The following CEP85L variants were observed in gnomAD, a reference collection of about 807,000 sequenced individuals.
The protein encoded by CEP85L is centrosomal protein of 85 kDa-like.
Under a neutral mutation model 100.3 loss-of-function variants are expected in CEP85L, and 60 were observed. The ratio of observed to expected loss-of-function variants is 0.60; its 90% CI spans 0.49 to 0.74. CEP85L has a LOEUF of 0.74. Ranked by LOEUF, CEP85L falls within the 30% of genes least tolerant of loss-of-function variation. CEP85L has a pLI of 0.00. For synonymous variants in CEP85L, 319 were observed against 322.7 expected, an observed-to-expected ratio of 0.99 and a Z score of 0.12; for missense variants, 973 against 936.2, an observed-to-expected ratio of 1.04 and a Z score of -0.51.
chr6:118,600,729 T>C (rs117711340), intron 2 of CEP85L, among the ~76,000 whole-genome samples: 1,542 of 151,978 alleles, frequency 0.01, 8 homozygotes, highest in Middle Eastern at 0.027. Flanking sequence ...TAACAAACTT[T>C]CTTACATATT....
chr6:118,486,034 T>C (rs912011612), intron 6 of CEP85L, among the ~76,000 whole-genome samples: 1 of 152,218 alleles, frequency 6.6e-6, no homozygotes, highest in African/African-American at 2.4e-5. Context: ...CATGTCAAGC[T>C]TGCTTCCCTT....
intron 1 of CEP85L, among the ~76,000 whole-genome samples, chr6:118,640,969 G>C (rs1774828401): frequency 6.6e-6 from 1 of 152,118 alleles, no homozygotes; most frequent in Non-Finnish European, 1.5e-5. Context: ...TGACATGAAA[G>C]GTAGATAAAA....
intron 2 of CEP85L, among the ~76,000 whole-genome samples, chr6:118,620,476 A>G (rs1447817407): frequency 6.6e-6 from 1 of 152,168 alleles, no homozygotes; most frequent in Non-Finnish European, 1.5e-5. Context: ...TTGCAAAGAC[A>G]CTTTAAAAAA....
chr6:118,696,035 C>G (rs12202466), intron 1 of CEP85L, among the ~76,000 whole-genome samples: 4,965 of 152,212 alleles, frequency 0.033, 128 homozygotes, highest in African/African-American at 0.067. Flanking sequence ...CTTTGGGAGG[C>G]CGAGACAGGC....
chr6:118,702,096 C>T (rs1389754753), intron 1 of CEP85L, among the ~76,000 whole-genome samples: 1 of 151,628 alleles, frequency 6.6e-6, no homozygotes, highest in African/African-American at 2.4e-5. Flanking sequence ...TAGATAGCTC[C>T]ACTTTGGAAT....
At chr6:118,590,852 C>T (rs1289774690) in intron 2 of CEP85L, among the ~76,000 whole-genome samples, 1 of 152,230 alleles carries the variant, frequency 6.6e-6, no homozygotes. Context: ...TAAACTCTCT[C>T]TGCTCCTTAA....
intron 10 of CEP85L, among the ~76,000 whole-genome samples, chr6:118,478,419 T>C (rs1582871779): frequency 6.6e-6 from 1 of 152,146 alleles, no homozygotes; most frequent in Non-Finnish European, 1.5e-5. Flanking sequence ...AATATAGCTA[T>C]TTTAGCCAGT....
At chr6:118,565,282 C>T in intron 3 of CEP85L, 1 of 496,344 alleles carries the variant, frequency 2.0e-6, no homozygotes, top group Non-Finnish European at 3.6e-6. Flanking sequence ...TTTTTATGCC[C>T]ATTTAACAAA....
At chr6:118,537,732 T>C in intron 3 of CEP85L, 1 of 985,362 alleles carries the variant, frequency 1.0e-6, no homozygotes, top group Non-Finnish European at 1.2e-6. Flanking sequence ...GGACAAATAC[T>C]GTTAAATTTA....
chr6:118,529,310 A>C (rs1777149430), intron 3 of CEP85L, among the ~76,000 whole-genome samples: 1 of 152,122 alleles, frequency 6.6e-6, no homozygotes, highest in Admixed American at 6.6e-5. Flanking sequence ...ACAACTTATA[A>C]AATCTTACTA....
At chr6:118,566,794 T>C (rs1779536304) in intron 2 of CEP85L, among the ~76,000 whole-genome samples, 1 of 152,218 alleles carries the variant, frequency 6.6e-6, no homozygotes, top group Non-Finnish European at 1.5e-5. Flanking sequence ...CAAGTCAACA[T>C]AGTTTCAGAT....
At chr6:118,558,847 T>A (rs936386545) in intron 3 of CEP85L, 3 of 995,450 alleles carry the variant, frequency 3.0e-6, no homozygotes, top group Non-Finnish European at 3.2e-6. Context: ...AAGACAGTTA[T>A]CTCATATTTG....
intron 2 of CEP85L, among the ~76,000 whole-genome samples, chr6:118,629,801 A>T (rs903238624): frequency 6.6e-6 from 1 of 152,210 alleles, no homozygotes; most frequent in Non-Finnish European, 1.5e-5. Context: ...ATTTTAAGTT[A>T]GCAGCCATGG....
chr6:118,571,959 C>T (rs1184038515), intron 2 of CEP85L, among the ~76,000 whole-genome samples: 3 of 152,046 alleles, frequency 2.0e-5, no homozygotes, highest in Admixed American at 6.5e-5. Flanking sequence ...CAGGTTCAAG[C>T]GATTCTCCTG....
intron 2 of CEP85L, among the ~76,000 whole-genome samples, chr6:118,627,100 G>A (rs971867576): frequency 6.6e-6 from 1 of 150,484 alleles, no homozygotes; most frequent in Non-Finnish European, 1.5e-5. Context: ...TCAGGAGGCT[G>A]AGGCAGGAGA....
intron 2 of CEP85L, among the ~76,000 whole-genome samples, chr6:118,593,278 TAA>T (rs912368067): frequency 1.5e-4 from 23 of 151,804 alleles, no homozygotes; most frequent in African/African-American, 5.6e-4. Flanking sequence ...GTGAATATAC[TAA>T]AAGTCATTGA....
intron 6 of CEP85L, among the ~76,000 whole-genome samples, chr6:118,490,304 A>T (rs1196548120): frequency 6.6e-6 from 1 of 152,194 alleles, no homozygotes; most frequent in African/African-American, 2.4e-5. Flanking sequence ...ATACACTCAA[A>T]AATTTGTTAA....
At chr6:118,522,874 CA>C (rs11291728) in intron 4 of CEP85L, among the ~76,000 whole-genome samples, 65,684 of 134,708 alleles carry the variant, frequency 0.49, 14,742 homozygotes, top group Middle Eastern at 0.59. Context: ...CTGAGACTCC[CA>C]AAAAAAAAAA....
chr6:118,475,347 A>AT (rs34878583), intron 10 of CEP85L, among the ~76,000 whole-genome samples: 68 of 79,036 alleles, frequency 8.6e-4, no homozygotes, highest in Non-Finnish European at 1.5e-3. Flanking sequence ...TGTAGGTGAC[A>AT]TTTTTTTTTT....
Sources: gnomAD v4.1 joint callset for allele counts (sites outside exome capture counted in the v4.1 genomes callset) on GRCh38, gnomAD v4.1.1 for gene constraint, MANE v1.5 for transcripts, NCBI Gene and HGNC (gene_info 2026-07-23, HGNC 2026-07-21) for gene names.